Variants in WWC2 observed in about 807,000 individuals in gnomAD.
The protein encoded by WWC2 is WW and C2 domain containing 2, also known as protein WWC2.
WWC2 carries 101 observed loss-of-function variants against 138.5 expected under a neutral mutation model. The ratio of observed to expected loss-of-function variants is 0.73; its 90% CI spans 0.62 to 0.86. WWC2 has a LOEUF of 0.86. Among genes scored for constraint, WWC2 ranks in the 40% least tolerant of loss-of-function variants. WWC2 has a pLI of 0.00. For synonymous variants in WWC2, 558 were observed against 538.4 expected (o/e 1.04, Z -0.50); for missense variants, 1,420 against 1,419.4 (o/e 1.00, Z -0.01).
chr4:183,258,197 C>T (rs764087979), intron 9 of WWC2, among the ~76,000 whole-genome samples: 9 of 152,158 alleles, frequency 5.9e-5, no homozygotes, highest in Non-Finnish European at 1.2e-4. Context: ...TTGGGGCTTT[C>T]TTCAGACCTT....
intron 4 of WWC2, among the ~76,000 whole-genome samples, chr4:183,219,928 G>T (rs917983839): frequency 5.9e-5 from 9 of 152,024 alleles, no homozygotes; most frequent in Admixed American, 4.6e-4. Flanking sequence ...TATTCTGGGT[G>T]GTAGAGAAAT....
rs55932248 is a variant in WWC2 at position 183,113,187 on chromosome 4, A to T, written c.131+13565A>T. The stretch of plus-strand genomic sequence containing the variant: ...CTTGAGAGGTTGAGGCAGCAGAATC[A>T]CTTGAACCTGGAAGGCGGAGGTTGC... On this transcript the variant is annotated intron_variant, in intron 1 of 22. Coordinates refer to ENST00000403733, the MANE Select transcript of WWC2 (RefSeq NM_024949.6). Among the ~76,000 whole-genome samples the T allele has an allele frequency of 5.6e-3, 855 of 152,082 alleles. 5 individuals are homozygous for T. The highest frequency in any genetic ancestry group is 9.1e-3 in the Non-Finnish European group (616 of 67,994).
chr4:183,128,613 CTTCCAACCCCTTAAAAATGGGTGTTT>C (rs1732833655), intron 1 of WWC2, among the ~76,000 whole-genome samples: 1 of 152,108 alleles, frequency 6.6e-6, no homozygotes, highest in Admixed American at 6.5e-5. Flanking sequence ...TTGATTGTGT[CTTCCAACCCCTTAAAAATGGGTGTTT>C]TTCAGAATTC....
chr4:183,313,641 A>C (rs371676907), intron 22 of WWC2, among the ~76,000 whole-genome samples: 2 of 152,060 alleles, frequency 1.3e-5, no homozygotes, highest in South Asian at 4.2e-4. Context: ...TCTTCAATGC[A>C]TTGGTCTCAT....
At chr4:183,298,852 C>G (rs945247780) in intron 21 of WWC2, among the ~76,000 whole-genome samples, 2 of 152,060 alleles carry the variant, frequency 1.3e-5, no homozygotes, top group African/African-American at 4.8e-5. Context: ...AGGAACTGAA[C>G]CTTTAGGGTA....
intron 1 of WWC2, among the ~76,000 whole-genome samples, chr4:183,113,515 T>TGCGCGCGCGC (rs1554064965): frequency 1.6e-5 from 2 of 126,644 alleles, no homozygotes; most frequent in African/African-American, 6.0e-5. Context: ...TGTGTGTGTG[T>TGCGCGCGCGC]GCGCGCGCGT....
chr4:183,248,908 C>T, intron 7 of WWC2, 48 bp downstream of exon 7: 1 of 1,456,244 alleles, frequency 6.9e-7, no homozygotes. Flanking sequence ...CCTTGATGGG[C>T]CTTAATTGCA....
At chr4:183,250,232 C>T (rs568623025) in intron 8 of WWC2, among the ~76,000 whole-genome samples, 2 of 126,200 alleles carry the variant, frequency 1.6e-5, no homozygotes, top group African/African-American at 6.0e-5. Context: ...TACAAATGAA[C>T]TTGCCCCCTT....
intron 16 of WWC2, among the ~76,000 whole-genome samples, chr4:183,278,295 T>C (rs1168669652): frequency 6.6e-5 from 10 of 152,164 alleles, no homozygotes; most frequent in African/African-American, 1.7e-4. Flanking sequence ...TGTAGATATG[T>C]GGTGTTATTT....
At chr4:183,181,023 A>C (rs1211465138) in intron 1 of WWC2, among the ~76,000 whole-genome samples, 21 of 152,236 alleles carry the variant, frequency 1.4e-4, no homozygotes, top group Admixed American at 1.4e-3. Context: ...CACACATTAC[A>C]AATTGTGCAT....
At position 183,218,471 on chromosome 4, in the gene WWC2, T is replaced by C. The variant is rs148357152; in HGVS notation, c.522+9446T>C. ...GAATTGTTCGATCACAAGGTAATTC[T>C]AAATTTAACTTTTTGATATATATCT... On this transcript the variant is annotated intron_variant, in intron 4 of 22. Coordinates refer to ENST00000403733, the MANE Select transcript of WWC2 (RefSeq NM_024949.6). Among the ~76,000 whole-genome samples, 864 of 152,384 alleles carry C rather than the reference T, an allele frequency of 5.7e-3. 14 individuals carry two copies. Among genetic ancestry groups the C allele is most frequent in the African/African-American group, 0.02 (812 of 41,594 alleles).
In WWC2 at chr4:183,207,984, A is replaced by C; in HGVS notation, c.273A>C (p.Gln91His). 1 of 1,612,762 alleles carries C rather than the reference A, an allele frequency of 6.2e-7. No homozygotes were observed. Among genetic ancestry groups the C allele is most frequent in the South Asian group, 1.1e-5 (1 of 90,794 alleles). Residue 91 changes from glutamine to histidine, a missense_variant, in exon 3 of 23, where the codon CAA (glutamine) becomes CAC (histidine). Transcript: ENST00000403733. ...CGCAGATAGAAGATCCAAGAAAACA[A>C]TGGAGGGGGGAACAGGAGAAGATGC... is the stretch of plus-strand genomic sequence containing the variant. ...KTTQIEDPRK[Q>H]WRGEQEKMLK...
intron 2 of WWC2, among the ~76,000 whole-genome samples, chr4:183,201,774 A>T (rs1735305481): frequency 6.6e-6 from 1 of 152,242 alleles, no homozygotes; most frequent in African/African-American, 2.4e-5. Context: ...GCCCCTGGGC[A>T]TTCCAGAAAA....
intron 1 of WWC2, among the ~76,000 whole-genome samples, chr4:183,132,841 A>G (rs1732970298): frequency 6.6e-6 from 1 of 152,156 alleles, no homozygotes; most frequent in Non-Finnish European, 1.5e-5. Flanking sequence ...ATATTCTAAC[A>G]TCAAGCCAAC....
At chr4:183,113,277 CAG>C (rs915087362) in intron 1 of WWC2, among the ~76,000 whole-genome samples, 2 of 151,830 alleles carry the variant, frequency 1.3e-5, no homozygotes, top group African/African-American at 4.8e-5. Flanking sequence ...GATGTAGAAA[CAG>C]AGGGAGGAGG....
chr4:183,277,285 C>G (rs1261227466), intron 16 of WWC2, among the ~76,000 whole-genome samples: 3 of 151,134 alleles, frequency 2.0e-5, no homozygotes, highest in Non-Finnish European at 4.4e-5. Flanking sequence ...CCAATTTCAT[C>G]CATGTCCCTA....
chr4:183,132,589 G>A (rs1423676212), intron 1 of WWC2, among the ~76,000 whole-genome samples: 2 of 151,910 alleles, frequency 1.3e-5, no homozygotes, highest in African/African-American at 4.8e-5. Context: ...GAGTAGCTGG[G>A]ACTACAGGCG....
At chr4:183,169,759 G>T (rs1004435670) in intron 1 of WWC2, among the ~76,000 whole-genome samples, 2 of 152,092 alleles carry the variant, frequency 1.3e-5, no homozygotes, top group African/African-American at 4.8e-5. Context: ...ATTTAAGACT[G>T]TGCATAAAGA....
chr4:183,099,495 C>T lies in WWC2; in HGVS notation c.4C>T (p.Pro2Ser). 4 of 1,351,612 alleles carry T rather than the reference C, an allele frequency of 3.0e-6. No individual in the cohort carries two copies. Among genetic ancestry groups the T allele is most frequent in the Non-Finnish European group, 2.9e-6 (3 of 1,036,852 alleles). 83.7% of individuals were successfully genotyped at this position (1,351,612 alleles called of 1,614,324 possible). A position where few individuals can be genotyped will look rare whatever the true frequency, so the allele number is the denominator to read the frequency against. Residue 2 changes from proline (P) to serine (S), a missense_variant, in exon 1 of 23, where the codon CCT becomes TCT. Pro to Ser is a moderately conservative substitution (Grantham distance 74, BLOSUM62 -1). Coordinates refer to ENST00000403733, the MANE Select transcript of WWC2 (RefSeq NM_024949.6). ...CTCGCCGGCGAGGCCGCCGACCATGCCTAGGAGGGCCGGGAGCGGTCAGCT... is the reference window on the plus strand; with the variant it reads ...CTCGCCGGCGAGGCCGCCGACCATGTCTAGGAGGGCCGGGAGCGGTCAGCT... The part of the protein sequence containing the change: M[P>S]RRAGSGQLPL...
Sources: gnomAD v4.1 joint callset for allele counts (sites outside exome capture counted in the v4.1 genomes callset) on GRCh38, gnomAD v4.1.1 for gene constraint, MANE v1.5 for transcripts, NCBI Gene and HGNC (gene_info 2026-07-23, HGNC 2026-07-21) for gene names.